KLHL29: variants seen among roughly 807,000 people sequenced by gnomAD.
KLHL29 encodes kelch like family member 29.
In KLHL29, 21 loss-of-function variants were observed where a neutral mutation model predicts 80.4. That is an observed-to-expected ratio of 0.26 (90% confidence interval 0.19 to 0.38). The LOEUF is 0.38. Ranked by LOEUF, KLHL29 falls within the 10% of genes least tolerant of loss-of-function variation. KLHL29 has a pLI of 1.00. For missense variants in KLHL29, 867 were observed against 1,223.9 expected (o/e 0.71, Z 4.35); for synonymous variants, 511 against 526.8 (o/e 0.97, Z 0.41).
At chr2:23,654,645 G>A (rs909756985) in intron 5 of KLHL29, among the ~76,000 whole-genome samples, 10 of 149,140 alleles carry the variant, frequency 6.7e-5, no homozygotes, top group South Asian at 2.2e-4. Flanking sequence ...CAGGGAAGCC[G>A]GTGGGCAGGG....
intron 2 of KLHL29, among the ~76,000 whole-genome samples, chr2:23,477,184 C>A (rs10175479): frequency 6.6e-6 from 1 of 152,136 alleles, no homozygotes; most frequent in Non-Finnish European, 1.5e-5. Flanking sequence ...TATTCTCAGC[C>A]GCCCACCCTC....
At chr2:23,597,305 A>ATGTGTGTG (rs1414492384) in intron 3 of KLHL29, among the ~76,000 whole-genome samples, 1,500 of 97,386 alleles carry the variant, frequency 0.015, 27 homozygotes, top group East Asian at 0.095. Context: ...TCATATATAT[A>ATGTGTGTG]TATATGTGTG....
At chr2:23,389,689 GA>G (rs1006058163) in intron 1 of KLHL29, among the ~76,000 whole-genome samples, 64 of 138,732 alleles carry the variant, frequency 4.6e-4, no homozygotes, top group Non-Finnish European at 6.9e-4. Flanking sequence ...CCTAGTCTCA[GA>G]AAAAAAAAAG....
chr2:23,401,825 G>C (rs1666605910), intron 1 of KLHL29, among the ~76,000 whole-genome samples: 1 of 152,198 alleles, frequency 6.6e-6, no homozygotes, highest in Admixed American at 6.5e-5. Flanking sequence ...TTCAGATCCT[G>C]CCTGTCCTTT....
At chr2:23,616,242 A>G (rs1669000952) in intron 3 of KLHL29, among the ~76,000 whole-genome samples, 1 of 152,122 alleles carries the variant, frequency 6.6e-6, no homozygotes, top group Non-Finnish European at 1.5e-5. Flanking sequence ...CTTGAGCCCT[A>G]CAAAAAGTTC....
At chr2:23,474,806 A>T (rs1459605985) in intron 1 of KLHL29, among the ~76,000 whole-genome samples, 6 of 152,178 alleles carry the variant, frequency 3.9e-5, no homozygotes, top group Admixed American at 2.6e-4. Context: ...AGGAAAAAGG[A>T]AAATCAATTG....
chr2:23,641,609 A>ACAT (rs898426589), intron 4 of KLHL29, among the ~76,000 whole-genome samples: 1 of 152,252 alleles, frequency 6.6e-6, no homozygotes, highest in Admixed American at 6.5e-5. Context: ...GTTTCCAAAT[A>ACAT]CATCTTCCTC....
rs768013372 is a variant in KLHL29 at position 23,695,551 on chromosome 2, A to G, written c.1543-72A>G. The G allele has an allele frequency of 9.5e-7, 1 of 1,055,008 alleles. No individual in the cohort carries two copies. The highest frequency in any genetic ancestry group is 1.4e-6 in the Non-Finnish European group (1 of 732,752). The allele number at this position is 1,055,008 out of a possible 1,614,324, so 65.4% of individuals were successfully genotyped here. A position where few individuals can be genotyped will look rare whatever the true frequency, so the allele number is the denominator to read the frequency against. On this transcript the variant is annotated intron_variant, in intron 8 of 13. Coordinates refer to ENST00000486442, the MANE Select transcript of KLHL29 (RefSeq NM_052920.2). This position sits in a 1 kb window ranked among gnomAD's most constrained non-coding sequence, Gnocchi z 7.6. ...ATTATCCATTCTTGTGCAGCCCCAC[A>G]CCATTTCTTTCCGTCCGGGAGGTGG...
intron 2 of KLHL29, among the ~76,000 whole-genome samples, chr2:23,557,817 T>C (rs1370937053): frequency 6.6e-6 from 1 of 152,114 alleles, no homozygotes; most frequent in Non-Finnish European, 1.5e-5. Flanking sequence ...GGTTGTGTTG[T>C]TTTGTAGGAA....
chr2:23,632,236 T>C (rs987461761), intron 3 of KLHL29, among the ~76,000 whole-genome samples: 2 of 152,242 alleles, frequency 1.3e-5, no homozygotes, highest in Non-Finnish European at 2.9e-5. Context: ...GCTATAAACC[T>C]ATGAGCTGTC....
intron 5 of KLHL29, among the ~76,000 whole-genome samples, chr2:23,662,691 C>T (rs1005372833): frequency 6.6e-6 from 1 of 152,200 alleles, no homozygotes; most frequent in Non-Finnish European, 1.5e-5. Context: ...GGGTCTGCCC[C>T]TCCCAGGGGT....
rs147451629 is a variant in KLHL29, at chr2:23,423,600, G to A, written c.-154+37820G>A. On this transcript the variant is annotated intron_variant, in intron 1 of 13. Transcript: ENST00000486442. Reference sequence around the variant, plus strand: ...GTGCGTCATTCCCCTACGACTTGGCGGGTCTGTTGCTGGCCATGGGGTCAG... The same window carrying A: ...GTGCGTCATTCCCCTACGACTTGGCAGGTCTGTTGCTGGCCATGGGGTCAG... Among the ~76,000 whole-genome samples, 245 of 152,296 alleles carry A rather than the reference G, an allele frequency of 1.6e-3. 1 individual carries two copies. Among genetic ancestry groups the A allele is most frequent in the African/African-American group, 5.3e-3 (221 of 41,574 alleles).
intron 2 of KLHL29, among the ~76,000 whole-genome samples, chr2:23,504,653 T>C (rs1370557540): frequency 6.6e-6 from 1 of 152,216 alleles, no homozygotes; most frequent in Non-Finnish European, 1.5e-5. Context: ...GGGTAGGCAC[T>C]AACTGGGCCA....
chr2:23,406,199 G>A (rs748925011), intron 1 of KLHL29, among the ~76,000 whole-genome samples: 1 of 151,770 alleles, frequency 6.6e-6, no homozygotes, highest in African/African-American at 2.4e-5. Context: ...ATGGTGGCGG[G>A]CACCTGTGAT....
chr2:23,556,190 T>G (rs989510978), intron 2 of KLHL29, among the ~76,000 whole-genome samples: 1 of 152,184 alleles, frequency 6.6e-6, no homozygotes, highest in African/African-American at 2.4e-5. Flanking sequence ...CTGAGCTGGC[T>G]TCCTAAGTTG....
At chr2:23,456,782 G>A (rs1664065792) in intron 1 of KLHL29, among the ~76,000 whole-genome samples, 2 of 152,264 alleles carry the variant, frequency 1.3e-5, no homozygotes, top group African/African-American at 4.8e-5. Context: ...GGGTAGCTAT[G>A]CCTGCACTTG....
chr2:23,489,973 A>G (rs1022714229), intron 2 of KLHL29, among the ~76,000 whole-genome samples: 5 of 152,250 alleles, frequency 3.3e-5, no homozygotes, highest in East Asian at 3.9e-4. Flanking sequence ...CTTCTTATCT[A>G]TACTCCCCTT....
intron 13 of KLHL29, among the ~76,000 whole-genome samples, chr2:23,704,498 G>A (rs1322616806): frequency 6.6e-6 from 1 of 152,234 alleles, no homozygotes; most frequent in Non-Finnish European, 1.5e-5. Context: ...CAGGTGCAGT[G>A]GCTCACACCT....
At chr2:23,574,640 G>A (rs1667798379) in intron 3 of KLHL29, among the ~76,000 whole-genome samples, 1 of 152,184 alleles carries the variant, frequency 6.6e-6, no homozygotes. Context: ...ACATGGCACT[G>A]TGACTGCAGT....
Sources: allele counts gnomAD v4.1 joint callset (sites outside exome capture counted in the v4.1 genomes callset), GRCh38; gene constraint gnomAD v4.1.1; non-coding constraint Gnocchi (gnomAD v3.1); transcripts MANE v1.5; gene names NCBI Gene and HGNC (gene_info 2026-07-23, HGNC 2026-07-21).